RASSF1: variants seen among roughly 807,000 people sequenced by gnomAD.
RASSF1 encodes Ras association domain family member 1.
In RASSF1, 33 loss-of-function variants were observed where a neutral mutation model predicts 34.3. The ratio of observed to expected loss-of-function variants is 0.96; its 90% CI spans 0.73 to 1.29. RASSF1 has a LOEUF of 1.29. Among genes scored for constraint, RASSF1 ranks in the 50% most tolerant of loss-of-function variants. The probability of loss-of-function intolerance (pLI) is 0.00; values close to 1 mark genes in which losing one functional copy is unlikely to be tolerated. For synonymous variants in RASSF1, 191 were observed against 195.0 expected (o/e 0.98, Z 0.17); for missense variants, 445 against 471.8 (o/e 0.94, Z 0.53).
chr3:50,330,692 G>GA lies in RASSF1; in HGVS notation c.911dup (p.Leu305ProfsTer57). ...CCTCCTCCCGCTGCAGGATACGTAG[G>GA]AAGTTATGTAGTTCAGGCATGCTGA... On this transcript the variant is annotated frameshift_variant, in exon 6 of 6. Coordinates refer to ENST00000359365, the MANE Select transcript of RASSF1 (RefSeq NM_007182.5). LOFTEE classifies it high-confidence loss of function. This position sits in a 1 kb window ranked among gnomAD's most constrained non-coding sequence, Gnocchi z 4.5. The GA allele has an allele frequency of 1.2e-6, 2 of 1,614,120 alleles. No homozygotes were observed. Among genetic ancestry groups the GA allele is most frequent in the Non-Finnish European group, 1.7e-6 (2 of 1,179,994 alleles).
Position 50,330,461 on chromosome 3 carries a change from C to T in RASSF1, c.*120G>A. 7.2e-7 allele frequency: 1 copy of T among 1,392,168 alleles called. No individual in the cohort carries two copies. The highest frequency in any genetic ancestry group is 9.9e-7 in the Non-Finnish European group (1 of 1,014,018). 86.2% of individuals were successfully genotyped at this position (1,392,168 alleles called of 1,614,324 possible). A position where few individuals can be genotyped will look rare whatever the true frequency, so the allele number is the denominator to read the frequency against. ...ACTTCGCTGTTCTCTGGGCTCATTC[C>T]CCCAGCACAGGAGGGCCTCCATGCA... On this transcript the variant is annotated 3_prime_UTR_variant, in exon 6 of 6. Coordinates refer to ENST00000359365, the MANE Select transcript of RASSF1 (RefSeq NM_007182.5). This position sits in a 1 kb window ranked among gnomAD's most constrained non-coding sequence, Gnocchi z 4.5.
In RASSF1 at chr3:50,330,719, G is replaced by A; in HGVS notation, c.885C>T (p.Ala295=). The change falls in exon 6 of 6, where the codon GCC becomes GCT. Residue 295 remains alanine, a synonymous_variant. Transcript: ENST00000359365. This position sits in a 1 kb window ranked among gnomAD's most constrained non-coding sequence, Gnocchi z 4.5. ...AGTTATGTAGTTCAGGCATGCTGAA[G>A]GCGTCCCACTGCAAGGGGCAAAAGG... The part of the protein sequence containing the change: ...ENDSGEVNWD[A]FSMPELHNFL... The A allele has an allele frequency of 6.2e-7, 1 of 1,613,910 alleles. No individual in the cohort carries two copies. The highest frequency in any genetic ancestry group is 8.5e-7 in the Non-Finnish European group (1 of 1,179,934).
At chr3:50,332,179 C>G (rs1267177920) in intron 2 of RASSF1, 25 bp from the exon 3 acceptor site, 1 of 1,607,254 alleles carries the variant, frequency 6.2e-7, no homozygotes, top group African/African-American at 1.3e-5. Flanking sequence ...AGCATGGACA[C>G]AGGGCCCTTG....
intron 2 of RASSF1, 192 bp downstream of exon 2, chr3:50,337,713 G>C (rs587765019): frequency 6.0e-6 from 5 of 834,248 alleles, no homozygotes; most frequent in Admixed American, 2.9e-5. Flanking sequence ...CGCTTGCAGC[G>C]GGTGGAGTAC....
In RASSF1 at chr3:50,340,649, G is replaced by C; in HGVS notation, c.157C>G (p.Arg53Gly). The change falls in exon 1 of 6, where the codon CGC (arginine) becomes GGC (glycine). Residue 53 changes from arginine (R) to glycine (G), a missense_variant. Arg to Gly is a moderately radical substitution (Grantham distance 125, BLOSUM62 -2). Coordinates refer to ENST00000359365, the MANE Select transcript of RASSF1 (RefSeq NM_007182.5). ...GTGGCGGGCCCCGCGGGCTGGAAGC[G>C]GTGGCCACGGCCAGGGACCAGCTGC... is the stretch of plus-strand genomic sequence containing the variant. ...TRQLVPGRGHRFQPAGPATHT... is the reference protein window; with the variant it reads ...TRQLVPGRGHGFQPAGPATHT... The C allele has an allele frequency of 6.6e-7, 1 of 1,526,612 alleles. No individual in the cohort carries two copies. Among genetic ancestry groups the C allele is most frequent in the Non-Finnish European group, 8.7e-7 (1 of 1,147,488 alleles). The allele number at this position is 1,526,612 out of a possible 1,614,324, so 94.6% of individuals were successfully genotyped here.
chr3:50,337,169 C>T (rs1703169870), intron 2 of RASSF1: 1 of 1,608,170 alleles, frequency 6.2e-7, no homozygotes, highest in Non-Finnish European at 8.5e-7. Flanking sequence ...CCCCTGGCTC[C>T]CACCTGGTCC....
At chr3:50,337,709 CA>C in intron 2 of RASSF1, 195 bp downstream of exon 2, 2 of 838,646 alleles carry the variant, frequency 2.4e-6, no homozygotes, top group South Asian at 3.6e-5. Flanking sequence ...GGTCCGCTTG[CA>C]GCGGGTGGAG....
intron 2 of RASSF1, among the ~76,000 whole-genome samples, chr3:50,332,803 A>C (rs1702993272): frequency 6.6e-6 from 1 of 151,934 alleles, no homozygotes; most frequent in Admixed American, 6.6e-5. Flanking sequence ...AAACACAAAA[A>C]ACAAAAACAG....
intron 2 of RASSF1, among the ~76,000 whole-genome samples, chr3:50,332,994 T>C (rs1438972852): frequency 6.6e-6 from 1 of 151,976 alleles, no homozygotes; most frequent in African/African-American, 2.4e-5. Context: ...CTTAGGAGGC[T>C]GAGGCAGGAG....
chr3:50,337,702 C>T, intron 2 of RASSF1: 1 of 836,206 alleles, frequency 1.2e-6, no homozygotes, highest in Non-Finnish European at 1.8e-6. Context: ...GGGCCCGGGT[C>T]CGCTTGCAGC....
rs1423825048 is a variant in RASSF1, at chr3:50,331,756, G to C, written c.563C>G (p.Ala188Gly). The C allele has an allele frequency of 1.2e-6, 2 of 1,610,032 alleles. No homozygotes were observed. Among genetic ancestry groups the C allele is most frequent in the Non-Finnish European group, 1.7e-6 (2 of 1,176,924 alleles). ...SSKKPPSLQD[A>G]RRGPGRGTSV... ...TGTGCCCCGTCCTGGGCCCCGCCGG[G>C]CATCCTGCAAGGAGGGTGGCTTCTT... The change falls in exon 4 of 6, where the codon GCC becomes GGC. Residue 188 changes from alanine to glycine, a missense_variant. Physicochemically the swap from Ala to Gly is moderately conservative, Grantham distance 60. Transcript: ENST00000359365.
intron 2 of RASSF1, among the ~76,000 whole-genome samples, chr3:50,335,115 A>C (rs976775731): frequency 6.6e-6 from 1 of 151,798 alleles, no homozygotes; most frequent in Non-Finnish European, 1.5e-5. Context: ...CAACTGGCTA[A>C]TTTTTTGTAT....
intron 1 of RASSF1, 196 bp from the exon 2 acceptor site, chr3:50,338,207 C>T: frequency 1.4e-6 from 2 of 1,411,826 alleles, no homozygotes; most frequent in Non-Finnish European, 1.8e-6. Flanking sequence ...CGGAAGGCCA[C>T]AGGCAGAGAG....
chr3:50,334,464 T>C lies in RASSF1; in HGVS notation c.358-2310A>G, dbSNP rs587698249. On this transcript the variant is annotated intron_variant, in intron 2 of 5. Coordinates refer to ENST00000359365, the MANE Select transcript of RASSF1 (RefSeq NM_007182.5). ...GTGAATAAAGCAGTGGATGTGTTTGTTCAGTACACCAACGGGAAGAAGTAC... is the reference window on the plus strand; with the variant it reads ...GTGAATAAAGCAGTGGATGTGTTTGCTCAGTACACCAACGGGAAGAAGTAC... Among the ~76,000 whole-genome samples, 12 of 152,276 alleles carry C rather than the reference T, an allele frequency of 7.9e-5. No homozygotes were observed. The South Asian group carries it at 2.1e-3, about 26-fold the overall frequency.
intron 1 of RASSF1, among the ~76,000 whole-genome samples, chr3:50,338,878 C>T: frequency 6.6e-6 from 1 of 152,194 alleles, no homozygotes; most frequent in East Asian, 1.9e-4. Context: ...GAAGCTTGCT[C>T]CCTTTGACTC....
At position 50,340,660 on chromosome 3, in the gene RASSF1, C is replaced by G; in HGVS notation, c.146G>C (p.Gly49Ala). Reference protein sequence around the residue: ...ACNPTRQLVPGRGHRFQPAGP... With the variant: ...ACNPTRQLVPARGHRFQPAGP... ...CGCGGGCTGGAAGCGGTGGCCACGG[C>G]CAGGGACCAGCTGCCGTGTGGGGTT... Residue 49 changes from glycine (G) to alanine (A), a missense_variant, in exon 1 of 6, where the codon GGC (glycine) becomes GCC (alanine). Physicochemically the swap from Gly to Ala is moderately conservative, Grantham distance 60. Transcript: ENST00000359365. 1 of 1,530,856 alleles carries G rather than the reference C, an allele frequency of 6.5e-7. No individual in the cohort carries two copies. The highest frequency in any genetic ancestry group is 8.7e-7 in the Non-Finnish European group (1 of 1,149,144). The allele number at this position is 1,530,856 out of a possible 1,614,324, so 94.8% of individuals were successfully genotyped here. A position where few individuals can be genotyped will look rare whatever the true frequency, so the allele number is the denominator to read the frequency against.
chr3:50,337,541 C>A (rs1355517996), intron 2 of RASSF1: 1 of 1,497,714 alleles, frequency 6.7e-7, no homozygotes, highest in Non-Finnish European at 8.9e-7. Context: ...GGAATGACCT[C>A]ATCGCTCCGG....
intron 2 of RASSF1, chr3:50,337,578 A>C: frequency 8.2e-5 from 107 of 1,299,358 alleles, no homozygotes; most frequent in Non-Finnish European, 1.0e-4. Flanking sequence ...CCCACCTACC[A>C]CAGGGAACGG....
chr3:50,340,795 TC>T lies in RASSF1; in HGVS notation c.10del (p.Glu4SerfsTer149). The T allele has an allele frequency of 6.6e-7, 1 of 1,509,936 alleles. No individual in the cohort carries two copies. Among genetic ancestry groups the T allele is most frequent in the Non-Finnish European group, 8.8e-7 (1 of 1,139,374 alleles). The allele number at this position is 1,509,936 out of a possible 1,614,324, so 93.5% of individuals were successfully genotyped here. A position where few individuals can be genotyped will look rare whatever the true frequency, so the allele number is the denominator to read the frequency against. On this transcript the variant is annotated frameshift_variant, in exon 1 of 6. Transcript: ENST00000359365. LOFTEE classifies it high-confidence loss of function. ...CTCCCGCAGCTCAATGAGCTCAGGCTCCCCCGACATGGCCCGGTTGGGCCCG... is the reference window on the plus strand; with the variant it reads ...CTCCCGCAGCTCAATGAGCTCAGGCTCCCCGACATGGCCCGGTTGGGCCCG... Reference protein sequence around the residue: MSGEPELIELRELA... With the variant: MSGXPELIELRELA...
Sources: allele counts gnomAD v4.1 joint callset (sites outside exome capture counted in the v4.1 genomes callset), GRCh38; gene constraint gnomAD v4.1.1; non-coding constraint Gnocchi (gnomAD v3.1); transcripts MANE v1.5; gene names NCBI Gene and HGNC (gene_info 2026-07-23, HGNC 2026-07-21).